Variants in CRACR2A observed in about 807,000 individuals in gnomAD.
CRACR2A encodes the protein calcium release activated channel regulator 2A, also known as EF-hand calcium-binding domain-containing protein 4B.
Under a neutral mutation model 90.5 loss-of-function variants are expected in CRACR2A, and 79 were observed. The observed-to-expected ratio is 0.87, with a 90% CI of 0.73 to 1.05. CRACR2A has a LOEUF of 1.05. Among genes scored for constraint, CRACR2A ranks in the 50% least tolerant of loss-of-function variants. The pLI, the probability that CRACR2A is intolerant of heterozygous loss-of-function variation, is 0.00. For synonymous variants in CRACR2A, 338 were observed against 356.7 expected (o/e 0.95, Z 0.59); for missense variants, 823 against 897.2 (o/e 0.92, Z 1.06).
At chr12:3,670,378 C>T (rs904818746) in intron 7 of CRACR2A, among the ~76,000 whole-genome samples, 3 of 152,184 alleles carry the variant, frequency 2.0e-5, no homozygotes, top group Non-Finnish European at 2.9e-5. Context: ...CCAAATCAGG[C>T]CATCCCCAAG....
At chr12:3,737,474 A>G (rs751015693) in intron 1 of CRACR2A, among the ~76,000 whole-genome samples, 8 of 152,186 alleles carry the variant, frequency 5.3e-5, no homozygotes, top group Admixed American at 2.6e-4. Flanking sequence ...TCTGATTTGC[A>G]TTTTTAAAAA....
intron 1 of CRACR2A, among the ~76,000 whole-genome samples, chr12:3,733,988 T>TTTTTTTTTTA (rs10650778): frequency 3.4e-5 from 5 of 148,312 alleles, no homozygotes; most frequent in African/African-American, 7.5e-5. Context: ...TTTTTTTTTT[T>TTTTTTTTTTA]GAGATGGAGT....
intron 2 of CRACR2A, among the ~76,000 whole-genome samples, chr12:3,718,695 C>G (rs1946114511): frequency 6.6e-6 from 1 of 152,186 alleles, no homozygotes; most frequent in Admixed American, 6.5e-5. Context: ...TCATCTGTTT[C>G]TTTTACTTTT....
Position 3,659,544 on chromosome 12 carries a change from C to A in CRACR2A, c.762+20G>T. On this transcript the variant is annotated intron_variant, in intron 8 of 19. Coordinates refer to ENST00000440314, the MANE Select transcript of CRACR2A (RefSeq NM_001144958.2). ...ATGTCAAGCTGGCCTCAGAGCCAAG[C>A]CTGGGGAGCGTACACTTACCTTCAG... 1 of 1,612,128 alleles carries A rather than the reference C, an allele frequency of 6.2e-7. No individual in the cohort carries two copies.
rs1946629464 is a variant in CRACR2A, at chr12:3,746,539, G to C, written c.-387+6476C>G. Among the ~76,000 whole-genome samples the C allele has an allele frequency of 6.6e-6, 1 of 152,186 alleles. No homozygotes were observed. The highest frequency in any genetic ancestry group is 1.5e-5 in the Non-Finnish European group (1 of 68,034). Reference sequence around the variant, plus strand: ...CCACCAAACTGGCACCATGATGTTAGACTTCCAGCCTCCAGAACTGTGAGA... The same window carrying C: ...CCACCAAACTGGCACCATGATGTTACACTTCCAGCCTCCAGAACTGTGAGA... On this transcript the variant is annotated intron_variant, in intron 1 of 19. Coordinates refer to ENST00000440314, the MANE Select transcript of CRACR2A (RefSeq NM_001144958.2). The surrounding 1 kb of genome is among the most constrained non-coding windows in gnomAD (Gnocchi z 4.4).
At chr12:3,745,981 T>C (rs1402049195) in intron 1 of CRACR2A, among the ~76,000 whole-genome samples, 2 of 151,974 alleles carry the variant, frequency 1.3e-5, no homozygotes, top group African/African-American at 4.8e-5. Context: ...ACCCCATTCA[T>C]GTCTTCAGAA....
At chr12:3,629,751 C>T (rs1333970365) in intron 15 of CRACR2A, among the ~76,000 whole-genome samples, 2 of 151,176 alleles carry the variant, frequency 1.3e-5, no homozygotes, top group African/African-American at 2.4e-5. Flanking sequence ...CTGCTGGACA[C>T]GCGACGTGTT....
Position 3,680,366 on chromosome 12 carries a change from G to C in CRACR2A, c.229-17C>G. 6.2e-7 allele frequency: 1 copy of C among 1,605,388 alleles called. No homozygotes were observed. Among genetic ancestry groups the C allele is most frequent in the Non-Finnish European group, 8.5e-7 (1 of 1,174,164 alleles). ...ATGCAGCCTCTGAAAACAACCCAGA[G>C]TGTACTGGTTAACACTGACACTCAC... On this transcript the variant is annotated splice_polypyrimidine_tract_variant and intron_variant, in intron 4 of 19. Coordinates refer to ENST00000440314, the MANE Select transcript of CRACR2A (RefSeq NM_001144958.2).
chr12:3,702,007 A>G (rs1012285003), intron 3 of CRACR2A, among the ~76,000 whole-genome samples: 2 of 152,242 alleles, frequency 1.3e-5, no homozygotes, highest in African/African-American at 4.8e-5. Context: ...AGAATGGTTT[A>G]ACATTTGAAA....
intron 2 of CRACR2A, among the ~76,000 whole-genome samples, chr12:3,716,642 T>C (rs1451021216): frequency 1.3e-5 from 2 of 152,252 alleles, no homozygotes; most frequent in Non-Finnish European, 2.9e-5. Flanking sequence ...TCATCCCTTC[T>C]TAAAATGAGC....
intron 15 of CRACR2A, among the ~76,000 whole-genome samples, chr12:3,628,034 C>A (rs1944300636): frequency 7.1e-6 from 1 of 141,370 alleles, no homozygotes; most frequent in Non-Finnish European, 1.6e-5. Flanking sequence ...TCCTTCCCTC[C>A]CTCTCTCCTT....
At chr12:3,684,163 A>AT (rs1400402056) in intron 4 of CRACR2A, among the ~76,000 whole-genome samples, 1 of 152,104 alleles carries the variant, frequency 6.6e-6, no homozygotes, top group East Asian at 1.9e-4. Flanking sequence ...GAGGATATCC[A>AT]TTTTTTATGT....
At position 3,648,702 on chromosome 12, in the gene CRACR2A, G is replaced by A. The variant is rs12308840; in HGVS notation, c.1047-89C>T. On this transcript the variant is annotated intron_variant, in intron 10 of 19. Transcript: ENST00000440314. ...ATGCTGGAGACCAGCAGGTGATGCC[G>A]TGCTGGGGATGGAGGGCATTGGAGG... 1,210 of 1,515,010 alleles carry A rather than the reference G, an allele frequency of 8.0e-4. 14 individuals carry two copies. In the African/African-American group the frequency reaches 0.014, roughly 18 times the overall value. The allele number at this position is 1,515,010 out of a possible 1,614,324, so 93.8% of individuals were successfully genotyped here.
intron 17 of CRACR2A, among the ~76,000 whole-genome samples, chr12:3,627,154 C>T (rs2137301271): frequency 6.6e-6 from 1 of 152,274 alleles, no homozygotes; most frequent in African/African-American, 2.4e-5. Flanking sequence ...CAATCATGGC[C>T]CAGCAATGAC....
At chr12:3,694,999 G>A (rs917991433) in intron 4 of CRACR2A, among the ~76,000 whole-genome samples, 1 of 152,132 alleles carries the variant, frequency 6.6e-6, no homozygotes, top group African/African-American at 2.4e-5. Flanking sequence ...TATATTTCAA[G>A]TCAAATACAA....
rs139017845 is a variant in CRACR2A, at chr12:3,737,810, C to T, written c.-386-4600G>A. On this transcript the variant is annotated intron_variant, in intron 1 of 19. Coordinates refer to ENST00000440314, the MANE Select transcript of CRACR2A (RefSeq NM_001144958.2). ...GGAAGAACACATATCCTTTGAATTC[C>T]AAGGCATCAAGTCCTACTGGCTTTT... Among the ~76,000 whole-genome samples the T allele has an allele frequency of 5.5e-3, 832 of 152,320 alleles. 9 individuals are homozygous for T. Among genetic ancestry groups the T allele is most frequent in the Admixed American group, 0.031 (471 of 15,304 alleles).
chr12:3,671,644 A>G (rs953846031), intron 7 of CRACR2A, among the ~76,000 whole-genome samples: 1 of 152,156 alleles, frequency 6.6e-6, no homozygotes, highest in East Asian at 1.9e-4. Context: ...AAGTCTCTAC[A>G]CTGTTGTCTG....
At chr12:3,621,518 G>C (rs1322910778) in intron 17 of CRACR2A, among the ~76,000 whole-genome samples, 1 of 150,032 alleles carries the variant, frequency 6.7e-6, no homozygotes, top group Non-Finnish European at 1.5e-5. Flanking sequence ...CAGGTGTGGT[G>C]GTGGGCACCT....
chr12:3,640,642 G>A, intron 13 of CRACR2A: 1 of 1,305,330 alleles, frequency 7.7e-7, no homozygotes, highest in South Asian at 1.2e-5. Context: ...CAGGCCCAAA[G>A]GTTTTACTGA....
Sources: gnomAD v4.1 joint callset for allele counts (sites outside exome capture counted in the v4.1 genomes callset) on GRCh38, gnomAD v4.1.1 for gene constraint, Gnocchi (gnomAD v3.1) non-coding constraint, MANE v1.5 for transcripts, NCBI Gene and HGNC (gene_info 2026-07-23, HGNC 2026-07-21) for gene names.